REV3L: variants seen among roughly 807,000 people sequenced by gnomAD.
REV3L encodes DNA polymerase zeta catalytic subunit.
REV3L carries 69 observed loss-of-function variants against 299.4 expected under a neutral mutation model. That is an observed-to-expected ratio of 0.23 (90% CI 0.19 to 0.28). REV3L has a LOEUF of 0.28. Among genes scored for constraint, REV3L ranks in the 10% least tolerant of loss-of-function variants. The pLI is 1.00. For missense variants in REV3L, 3,128 were observed against 3,693.8 expected, an observed-to-expected ratio of 0.85 and a Z score of 3.97; for synonymous variants, 1,238 against 1,271.4, an observed-to-expected ratio of 0.97 and a Z score of 0.56.
intron 31 of REV3L, 101 bp from the exon 32 acceptor site, chr6:111,300,257 T>C (rs565110589): frequency 3.3e-5 from 29 of 879,470 alleles, no homozygotes; most frequent in Non-Finnish European, 4.5e-5. Context: ...TACCACAGAT[T>C]ACTGGCAGAC....
intron 21 of REV3L, among the ~76,000 whole-genome samples, chr6:111,337,382 TC>T (rs1243838745): frequency 1.3e-5 from 2 of 152,150 alleles, no homozygotes; most frequent in African/African-American, 4.8e-5. Context: ...ATATACTGAC[TC>T]CCCATATTTA....
At chr6:111,431,077 G>A in intron 1 of REV3L, 2 of 1,501,172 alleles carry the variant, frequency 1.3e-6, no homozygotes, top group Non-Finnish European at 1.9e-6. Context: ...CTCCACATAT[G>A]CAAATATCAA....
chr6:111,422,611 TACAC>T (rs372804101), intron 1 of REV3L, among the ~76,000 whole-genome samples: 762 of 27,142 alleles, frequency 0.028, 104 homozygotes, highest in Non-Finnish European at 0.076. Flanking sequence ...TATATATATA[TACAC>T]ATATATATAT....
chr6:111,419,928 T>C (rs1486596360), intron 1 of REV3L, among the ~76,000 whole-genome samples: 2 of 152,044 alleles, frequency 1.3e-5, no homozygotes, highest in Non-Finnish European at 2.9e-5. Context: ...TGCTGCAAGC[T>C]CCACCTCCCG....
intron 18 of REV3L, among the ~76,000 whole-genome samples, chr6:111,356,026 G>A (rs1455622142): frequency 6.6e-6 from 1 of 152,120 alleles, no homozygotes; most frequent in Non-Finnish European, 1.5e-5. Flanking sequence ...CTAATTCTCA[G>A]AATGGTTTAT....
intron 4 of REV3L, among the ~76,000 whole-genome samples, chr6:111,399,120 T>C (rs2128265749): frequency 6.6e-6 from 1 of 152,324 alleles, no homozygotes; most frequent in East Asian, 1.9e-4. Flanking sequence ...ATTCTTGTGC[T>C]TTTTCACCTA....
At chr6:111,327,277 A>G (rs1774930815) in intron 25 of REV3L, among the ~76,000 whole-genome samples, 1 of 152,162 alleles carries the variant, frequency 6.6e-6, no homozygotes, top group African/African-American at 2.4e-5. Flanking sequence ...CCCCTAAGAA[A>G]GGATTTGGGA....
At chr6:111,303,166 T>TTTTC (rs1554268704) in intron 31 of REV3L, among the ~76,000 whole-genome samples, 1 of 13,120 alleles carries the variant, frequency 7.6e-5, no homozygotes, top group Admixed American at 7.9e-4. Context: ...CTTTTCTTTC[T>TTTTC]TTTTTTTTTT....
chr6:111,394,189 A>G (rs1463891426), intron 4 of REV3L, among the ~76,000 whole-genome samples: 7 of 152,130 alleles, frequency 4.6e-5, no homozygotes, highest in Non-Finnish European at 8.8e-5. Context: ...TGGTAGTTCT[A>G]GTTTTTGGTT....
intron 1 of REV3L, among the ~76,000 whole-genome samples, chr6:111,463,732 CA>C (rs1791069804): frequency 6.6e-6 from 1 of 152,048 alleles, no homozygotes; most frequent in Admixed American, 6.5e-5. Flanking sequence ...TTTATTATAA[CA>C]ATGAGAAAAA....
In REV3L at chr6:111,372,583, A is replaced by C. The variant is rs1242217513; in HGVS notation, c.5759+13T>G. 7.5e-6 allele frequency: 11 copies of C among 1,475,082 alleles called. No individual in the cohort carries two copies. The highest frequency in any genetic ancestry group is 8.1e-6 in the Non-Finnish European group (9 of 1,112,978). 91.4% of individuals were successfully genotyped at this position (1,475,082 alleles called of 1,614,324 possible). ...TAATTCAGAGTGACCCAAGGGAAAAAATAACTGATTACCTGGGCTTTTCTG... is the reference window on the plus strand; with the variant it reads ...TAATTCAGAGTGACCCAAGGGAAAACATAACTGATTACCTGGGCTTTTCTG... On this transcript the variant is annotated intron_variant, in intron 13 of 31. Coordinates refer to ENST00000368802, the MANE Select transcript of REV3L (RefSeq NM_001372078.1).
chr6:111,482,652 G>A (rs1475304193), intron 1 of REV3L, 98 bp downstream of exon 1: 3 of 722,596 alleles, frequency 4.2e-6, no homozygotes, highest in African/African-American at 3.8e-5. Context: ...CCACGGAGAC[G>A]GCCGGCGCCG....
At chr6:111,441,520 A>G (rs1482354812) in intron 1 of REV3L, among the ~76,000 whole-genome samples, 2 of 152,082 alleles carry the variant, frequency 1.3e-5, no homozygotes, top group Non-Finnish European at 1.5e-5. Context: ...CAAAGTGCTG[A>G]GATTACAGGT....
chr6:111,422,603 T>C (rs1298606735), intron 1 of REV3L, among the ~76,000 whole-genome samples: 15 of 20,304 alleles, frequency 7.4e-4, no homozygotes, highest in South Asian at 1.3e-3. Context: ...TACACATATA[T>C]ATATATATAC....
intron 1 of REV3L, among the ~76,000 whole-genome samples, chr6:111,478,699 A>T (rs1793246938): frequency 6.6e-6 from 1 of 152,046 alleles, no homozygotes; most frequent in African/African-American, 2.4e-5. Flanking sequence ...CAATGAGAAT[A>T]TATTTATAAT....
At chr6:111,440,121 C>T (rs920525536) in intron 1 of REV3L, among the ~76,000 whole-genome samples, 3 of 151,884 alleles carry the variant, frequency 2.0e-5, no homozygotes, top group Admixed American at 6.6e-5. Flanking sequence ...GGCTGGAGTA[C>T]AATGGCACAA....
intron 16 of REV3L, among the ~76,000 whole-genome samples, chr6:111,362,810 G>A (rs930892305): frequency 5.9e-5 from 9 of 152,022 alleles, no homozygotes; most frequent in South Asian, 2.1e-4. Flanking sequence ...TACCTAAGTC[G>A]TTCCAAACAT....
At chr6:111,472,408 A>C (rs764408853) in intron 1 of REV3L, among the ~76,000 whole-genome samples, 3 of 152,096 alleles carry the variant, frequency 2.0e-5, no homozygotes, top group Non-Finnish European at 4.4e-5. Flanking sequence ...GAACTGTTAT[A>C]TATTACACAA....
At chr6:111,450,756 T>C (rs1442719257) in intron 1 of REV3L, among the ~76,000 whole-genome samples, 1 of 152,170 alleles carries the variant, frequency 6.6e-6, no homozygotes, top group Non-Finnish European at 1.5e-5. Flanking sequence ...AAGACAGAAA[T>C]TGTTTTACAT....
Sources: allele counts gnomAD v4.1 joint callset (sites outside exome capture counted in the v4.1 genomes callset), GRCh38; gene constraint gnomAD v4.1.1; transcripts MANE v1.5; gene names NCBI Gene and HGNC (gene_info 2026-07-23, HGNC 2026-07-21).